Variants in SLC9A6 observed in about 807,000 individuals in gnomAD.
SLC9A6 encodes the protein sodium/hydrogen exchanger 6.
Under a neutral mutation model 45.3 loss-of-function variants are expected in SLC9A6, and 6 were observed. That is an observed-to-expected ratio of 0.13 (90% CI 0.07 to 0.26). The LOEUF (loss-of-function observed/expected upper bound fraction) is 0.26, where lower values mean the gene tolerates loss of function less well. SLC9A6 is among the 10% of genes least tolerant of loss of function. The probability of loss-of-function intolerance (pLI) is 1.00; values close to 1 mark genes in which losing one functional copy is unlikely to be tolerated. For synonymous variants in SLC9A6, 191 were observed against 187.7 expected, an observed-to-expected ratio of 1.02 and a Z score of -0.14; for missense variants, 278 against 503.7, an observed-to-expected ratio of 0.55 and a Z score of 4.29.
In SLC9A6 at chrX:136,040,142, A is replaced by G. The variant is rs2148211280; in HGVS notation, c.1728A>G (p.Gly576=). The G allele has an allele frequency of 8.3e-7, 1 of 1,210,715 alleles. No homozygotes were observed. The highest frequency in any genetic ancestry group is 1.1e-6 in the Non-Finnish European group (1 of 894,901). The change falls in exon 17 of 18, where the codon GGA becomes GGG. Residue 576 remains glycine, a synonymous_variant. Transcript: ENST00000630721. The part of the protein sequence containing the change: ...PLTTTLPACC[G]PIARCLTSPQ... The stretch of plus-strand genomic sequence containing the variant: ...CAACAACACTCCCTGCCTGCTGTGG[A>G]CCCATCGCCAGGTGCCTCACCAGCC...
At chrX:135,989,140 A>G (rs961459693) in intron 2 of SLC9A6, among the ~76,000 whole-genome samples, 2 of 111,599 alleles carry the variant, frequency 1.8e-5, no homozygotes, top group Non-Finnish European at 3.8e-5. Flanking sequence ...GGAAAATGCT[A>G]TTAAAAATAA....
intron 7 of SLC9A6, among the ~76,000 whole-genome samples, chrX:136,007,803 G>A (rs1381345000): frequency 3.6e-5 from 4 of 111,143 alleles, no homozygotes; most frequent in African/African-American, 1.3e-4. Flanking sequence ...ATTAATATTT[G>A]GTATTTTCTA....
intron 16 of SLC9A6, 98 bp downstream of exon 16, chrX:136,033,591 A>G: frequency 2.1e-6 from 1 of 482,058 alleles, no homozygotes; most frequent in Non-Finnish European, 3.6e-6. Context: ...CCTGGAGCAG[A>G]ATATAAAACC....
chrX:136,028,518 A>G (rs782365544), intron 13 of SLC9A6, among the ~76,000 whole-genome samples: 6 of 112,560 alleles, frequency 5.3e-5, no homozygotes, highest in Admixed American at 3.8e-4. Flanking sequence ...TATTACATTG[A>G]CTTAGCTTCT....
chrX:136,037,772 G>A (rs1449536190), intron 16 of SLC9A6, among the ~76,000 whole-genome samples: 4 of 111,196 alleles, frequency 3.6e-5, no homozygotes, highest in East Asian at 2.8e-4. Context: ...GTGTTTCACC[G>A]TGTTTGCCAG....
At chrX:135,991,884 T>C (rs1184377523) in intron 2 of SLC9A6, among the ~76,000 whole-genome samples, 1 of 110,717 alleles carries the variant, frequency 9.0e-6, no homozygotes, top group African/African-American at 3.3e-5. Flanking sequence ...CCCTTAATGT[T>C]GGCTGTTAAT....
At chrX:136,007,017 C>A (rs940180754) in intron 7 of SLC9A6, among the ~76,000 whole-genome samples, 5 of 110,819 alleles carry the variant, frequency 4.5e-5, no homozygotes, top group Non-Finnish European at 9.4e-5. Flanking sequence ...CAGGTGCACA[C>A]CACCATGCCC....
At chrX:136,043,380 T>C (rs1426662390) in intron 17 of SLC9A6, among the ~76,000 whole-genome samples, 1 of 111,558 alleles carries the variant, frequency 9.0e-6, no homozygotes, top group Non-Finnish European at 1.9e-5. Flanking sequence ...CAGTTCACAC[T>C]TTTTTTGGTC....
intron 10 of SLC9A6, among the ~76,000 whole-genome samples, chrX:136,016,285 G>A (rs782078896): frequency 1.8e-5 from 2 of 110,797 alleles, no homozygotes; most frequent in Admixed American, 1.9e-4. Context: ...GAGGATGAGG[G>A]ATGGTTAGAG....
chrX:135,987,650 G>A (rs1195535593), intron 2 of SLC9A6, among the ~76,000 whole-genome samples: 1 of 106,775 alleles, frequency 9.4e-6, no homozygotes, highest in Non-Finnish European at 1.9e-5. Flanking sequence ...TTTTTTCTTT[G>A]ATTTTTTTTT....
At chrX:135,979,087 C>T (rs2089275285) in intron 1 of SLC9A6, among the ~76,000 whole-genome samples, 2 of 111,291 alleles carry the variant, frequency 1.8e-5, no homozygotes, top group East Asian at 2.8e-4. Context: ...ACCATCTTCT[C>T]GGCTGCAGCA....
Position 136,047,120 on chromosome X carries a change from G to C in SLC9A6, c.*2396G>C, listed in dbSNP as rs1407907905. On this transcript the variant is annotated 3_prime_UTR_variant, in exon 18 of 18. Coordinates refer to ENST00000630721, the MANE Select transcript of SLC9A6 (RefSeq NM_001379110.1). ...CTGTCATTAAAAAAGTTATAGCCTTGCAAATAACCACTCACAGTATTTGAG... is the reference window on the plus strand; with the variant it reads ...CTGTCATTAAAAAAGTTATAGCCTTCCAAATAACCACTCACAGTATTTGAG... The C allele has an allele frequency of 2.7e-5, 3 of 112,353 alleles. No homozygotes were observed. Among genetic ancestry groups the C allele is most frequent in the Non-Finnish European group, 5.6e-5 (3 of 53,241 alleles). 9.3% of individuals were successfully genotyped at this position (112,353 alleles called of 1,213,427 possible). A position where few individuals can be genotyped will look rare whatever the true frequency, so the allele number is the denominator to read the frequency against.
intron 7 of SLC9A6, 113 bp from the exon 8 acceptor site, chrX:136,010,329 C>T (rs2070896402): frequency 1.2e-6 from 1 of 867,928 alleles, no homozygotes; most frequent in Non-Finnish European, 1.6e-6. Flanking sequence ...CAATTCCAAT[C>T]GAAAGCTTGT....
At position 136,010,593 on chromosome X, in the gene SLC9A6, T is replaced by C. The variant is rs782141848; in HGVS notation, c.885+10T>C. On this transcript the variant is annotated intron_variant, in intron 8 of 17. Coordinates refer to ENST00000630721, the MANE Select transcript of SLC9A6 (RefSeq NM_001379110.1). ...AGTGGTGACAGCTTTAATATCCTTT[T>C]GTTATATTTATCTTTTCTTGTTAAC... is the stretch of plus-strand genomic sequence containing the variant. 1.0e-5 allele frequency: 12 copies of C among 1,201,620 alleles called. No individual in the cohort carries two copies. The highest frequency in any genetic ancestry group is 1.4e-5 in the Non-Finnish European group (12 of 886,185).
At chrX:136,026,210 C>A (rs920660089) in intron 13 of SLC9A6, among the ~76,000 whole-genome samples, 1 of 111,723 alleles carries the variant, frequency 9.0e-6, no homozygotes, top group African/African-American at 3.3e-5. Context: ...TTCCCTCCCC[C>A]CAAATTTGTC....
intron 2 of SLC9A6, among the ~76,000 whole-genome samples, chrX:135,991,563 A>G (rs1250436406): frequency 9.0e-6 from 1 of 110,734 alleles, no homozygotes; most frequent in Non-Finnish European, 1.9e-5. Context: ...GCTGGCAACG[A>G]CTGCTCTTAT....
At chrX:136,015,586 T>C (rs1308373043) in intron 10 of SLC9A6, among the ~76,000 whole-genome samples, 5 of 111,997 alleles carry the variant, frequency 4.5e-5, no homozygotes, top group Admixed American at 2.9e-4. Context: ...AGATAATGCA[T>C]ATGAAGTCCT....
chrX:136,046,862 T>C lies in SLC9A6; in HGVS notation c.*2138T>C, dbSNP rs981321593. On this transcript the variant is annotated 3_prime_UTR_variant, in exon 18 of 18. Coordinates refer to ENST00000630721, the MANE Select transcript of SLC9A6 (RefSeq NM_001379110.1). ...TGAAGTACAGTCTGAGTTACCATCA[T>C]GCACAAGTAGAACTGCTCTTGGACT... 4 of 112,930 alleles carry C rather than the reference T, an allele frequency of 3.5e-5. No individual in the cohort carries two copies. Among genetic ancestry groups the C allele is most frequent in the African/African-American group, 9.7e-5 (3 of 30,997 alleles). The allele number at this position is 112,930 out of a possible 1,213,427, so 9.3% of individuals were successfully genotyped here. A position where few individuals can be genotyped will look rare whatever the true frequency, so the allele number is the denominator to read the frequency against.
intron 13 of SLC9A6, among the ~76,000 whole-genome samples, chrX:136,027,966 G>A (rs912696579): frequency 3.6e-5 from 4 of 112,075 alleles, no homozygotes; most frequent in South Asian, 3.7e-4. Flanking sequence ...GCACTTCTGC[G>A]TCTCTGAGCC....
Sources: allele counts gnomAD v4.1 joint callset (sites outside exome capture counted in the v4.1 genomes callset), GRCh38; gene constraint gnomAD v4.1.1; transcripts MANE v1.5; gene names NCBI Gene and HGNC (gene_info 2026-07-23, HGNC 2026-07-21).